Variants in ADAMTSL3 observed in about 807,000 individuals in gnomAD.
The protein encoded by ADAMTSL3 is ADAMTS like 3.
In ADAMTSL3, 128 loss-of-function variants were observed where a neutral mutation model predicts 201.7. That is an observed-to-expected ratio of 0.63 (90% CI 0.55 to 0.73). ADAMTSL3 has a LOEUF of 0.73. Ranked by LOEUF, ADAMTSL3 falls within the 30% of genes least tolerant of loss-of-function variation. ADAMTSL3 has a pLI of 0.00. For synonymous variants in ADAMTSL3, 738 were observed against 748.4 expected (o/e 0.99, Z 0.23); for missense variants, 1,990 against 2,119.6 (o/e 0.94, Z 1.20).
chr15:83,741,311 G>GT (rs1482478696), intron 3 of ADAMTSL3, among the ~76,000 whole-genome samples: 1 of 151,722 alleles, frequency 6.6e-6, no homozygotes, highest in Non-Finnish European at 1.5e-5. Context: ...ACCAAGTGTG[G>GT]TTTTTTCCTA....
chr15:83,820,080 G>A lies in ADAMTSL3; in HGVS notation c.600+33G>A, dbSNP rs778805570. 1.8e-5 allele frequency: 28 copies of A among 1,565,098 alleles called. No homozygotes were observed. In the Admixed American group the frequency reaches 4.7e-4, roughly 26 times the overall value. On this transcript the variant is annotated intron_variant, in intron 6 of 29. Coordinates refer to ENST00000286744, the MANE Select transcript of ADAMTSL3 (RefSeq NM_207517.3). ...CACTTACCTCCCAATCCCCTGCTTTGGGGATGTGCCACGCCTACTGTCAAT... is the reference window on the plus strand; with the variant it reads ...CACTTACCTCCCAATCCCCTGCTTTAGGGATGTGCCACGCCTACTGTCAAT...
At chr15:83,904,455 C>A (rs552939490) in intron 15 of ADAMTSL3, among the ~76,000 whole-genome samples, 28 of 152,276 alleles carry the variant, frequency 1.8e-4, no homozygotes, top group Non-Finnish European at 3.5e-4. Flanking sequence ...ATTTTACATC[C>A]CTCCAGTAGA....
At chr15:83,774,934 T>C (rs2081541) in intron 4 of ADAMTSL3, among the ~76,000 whole-genome samples, 118,127 of 151,338 alleles carry the variant, frequency 0.78, 47,079 homozygotes, top group East Asian at 0.98. Flanking sequence ...GAAACCTCTG[T>C]CTCCCAGGTT....
At chr15:83,786,643 A>G (rs2063268639) in intron 4 of ADAMTSL3, among the ~76,000 whole-genome samples, 1 of 152,066 alleles carries the variant, frequency 6.6e-6, no homozygotes, top group Admixed American at 6.6e-5. Context: ...CTTCGCTTCA[A>G]ACCTGCCGCT....
intron 6 of ADAMTSL3, among the ~76,000 whole-genome samples, chr15:83,833,489 G>T (rs1451243351): frequency 6.6e-6 from 1 of 152,154 alleles, no homozygotes; most frequent in Admixed American, 6.5e-5. Flanking sequence ...TCAACTTGAG[G>T]GTTAGGTCTC....
intron 23 of ADAMTSL3, among the ~76,000 whole-genome samples, chr15:84,005,798 C>T (rs549066954): frequency 6.6e-6 from 1 of 152,244 alleles, no homozygotes; most frequent in South Asian, 2.1e-4. Context: ...TACTATGACC[C>T]AGATGATTTC....
chr15:83,704,597 A>AT, intron 3 of ADAMTSL3, 89 bp downstream of exon 3: 1 of 1,535,464 alleles, frequency 6.5e-7, no homozygotes, highest in Non-Finnish European at 8.9e-7. Context: ...AAGTAATTAT[A>AT]TTTTCCTCTT....
chr15:83,991,252 G>A (rs922952089), intron 23 of ADAMTSL3, 38 bp downstream of exon 23: 8 of 1,612,742 alleles, frequency 5.0e-6, no homozygotes, highest in Non-Finnish European at 8.5e-7. Context: ...CATTTCAGTG[G>A]GAGGTAAGTG....
chr15:83,982,294 C>G lies in ADAMTSL3; in HGVS notation c.2666C>G (p.Thr889Arg). 6.3e-7 allele frequency: 1 copy of G among 1,594,214 alleles called. No homozygotes were observed. The highest frequency in any genetic ancestry group is 8.6e-7 in the Non-Finnish European group (1 of 1,168,384). ...GGAGAAATCAAATCAGAGATGAAGA[C>G]AAAACTTGGTGAGCAGGGTCCGCAG... Reference protein sequence around the residue: ...ECSKIKSEMKTKLGEQGPQIL... With the variant: ...ECSKIKSEMKRKLGEQGPQIL... Residue 889 changes from threonine to arginine, a missense_variant, in exon 21 of 30, where the codon ACA becomes AGA. Coordinates refer to ENST00000286744, the MANE Select transcript of ADAMTSL3 (RefSeq NM_207517.3).
At chr15:83,846,503 C>T (rs1413372769) in intron 7 of ADAMTSL3, among the ~76,000 whole-genome samples, 4 of 152,214 alleles carry the variant, frequency 2.6e-5, no homozygotes, top group Non-Finnish European at 5.9e-5. Context: ...AAAGATAGCA[C>T]AGAAATGGAG....
At position 83,655,027 on chromosome 15, in the gene ADAMTSL3, C is replaced by G. The variant is rs1595974696; in HGVS notation, c.-33-702C>G. Among the ~76,000 whole-genome samples, 3 of 152,318 alleles carry G rather than the reference C, an allele frequency of 2.0e-5. No homozygotes were observed. In the East Asian group the frequency reaches 5.8e-4, roughly 29 times the overall value. On this transcript the variant is annotated intron_variant, in intron 1 of 29. Transcript: ENST00000286744. ...TCGGCTTTTCCAGTCTCGACTCATA[C>G]TGATTTCCCTGTAAATTGACAGGAA... is the stretch of plus-strand genomic sequence containing the variant.
chr15:83,982,812 C>T lies in ADAMTSL3; in HGVS notation c.3184C>T (p.His1062Tyr). 1 of 1,614,076 alleles carries T rather than the reference C, an allele frequency of 6.2e-7. No homozygotes were observed. Among genetic ancestry groups the T allele is most frequent in the East Asian group, 2.2e-5 (1 of 44,872 alleles). ...NQPFLRALLG[H>Y]CSNSAGSTNS... ...GCCTTTCTTGAGAGCTCTGTTAGGC[C>T]ACTGCAGCAATTCTGCAGGAAGCAC... The change falls in exon 21 of 30, where the codon CAC becomes TAC. Residue 1062 changes from histidine (H) to tyrosine (Y), a missense_variant. Transcript: ENST00000286744.
At chr15:83,693,275 A>G (rs915042350) in intron 2 of ADAMTSL3, among the ~76,000 whole-genome samples, 2 of 152,182 alleles carry the variant, frequency 1.3e-5, no homozygotes, top group African/African-American at 2.4e-5. Context: ...TTGTTGGGCT[A>G]TGTCTCACTG....
chr15:83,946,842 C>T (rs1323152729), intron 19 of ADAMTSL3, among the ~76,000 whole-genome samples: 1 of 152,178 alleles, frequency 6.6e-6, no homozygotes, highest in African/African-American at 2.4e-5. Context: ...CTCTTCTGTG[C>T]TCCAAGAGGT....
intron 14 of ADAMTSL3, 114 bp downstream of exon 14, chr15:83,898,119 A>G: frequency 8.2e-7 from 1 of 1,221,194 alleles, no homozygotes. Flanking sequence ...TGTTTTATTG[A>G]CAGATTGCAA....
chr15:83,975,381 C>T (rs2067270459), intron 20 of ADAMTSL3, among the ~76,000 whole-genome samples: 1 of 152,108 alleles, frequency 6.6e-6, no homozygotes, highest in Admixed American at 6.5e-5. Context: ...TGCTCTAACT[C>T]CTCCTCTAGC....
At chr15:84,030,455 G>A (rs2068385899) in intron 27 of ADAMTSL3, among the ~76,000 whole-genome samples, 1 of 152,188 alleles carries the variant, frequency 6.6e-6, no homozygotes, top group Non-Finnish European at 1.5e-5. Context: ...TTTTGGCCTT[G>A]TATGGGGCCT....
At chr15:83,696,092 G>A (rs796353998) in intron 2 of ADAMTSL3, among the ~76,000 whole-genome samples, 3 of 152,340 alleles carry the variant, frequency 2.0e-5, no homozygotes, top group African/African-American at 7.2e-5. Context: ...CTTGCAGACT[G>A]TGGCTGGCGT....
chr15:83,894,464 G>A (rs138893438), intron 13 of ADAMTSL3, among the ~76,000 whole-genome samples: 62 of 152,264 alleles, frequency 4.1e-4, no homozygotes, highest in African/African-American at 1.4e-3. Flanking sequence ...AAATAAGAGT[G>A]TTGCAGCATT....
Sources: allele counts gnomAD v4.1 joint callset (sites outside exome capture counted in the v4.1 genomes callset), GRCh38; gene constraint gnomAD v4.1.1; transcripts MANE v1.5; gene names NCBI Gene and HGNC (gene_info 2026-07-23, HGNC 2026-07-21).